The following GABRA3 variants were observed in gnomAD, a reference collection of about 807,000 sequenced individuals.
GABRA3 encodes gamma-aminobutyric acid type A receptor subunit alpha3.
A neutral mutation model predicts 30.1 loss-of-function variants in GABRA3; 10 were observed. The ratio of observed to expected loss-of-function variants is 0.33; its 90% CI spans 0.20 to 0.56. The LOEUF is 0.56. Among genes scored for constraint, GABRA3 ranks in the 20% least tolerant of loss-of-function variants. The probability of loss-of-function intolerance (pLI) is 0.89; values close to 1 mark genes in which losing one functional copy is unlikely to be tolerated. For missense variants in GABRA3, 233 were observed against 392.0 expected (o/e 0.59, Z 3.42); for synonymous variants, 151 against 146.8 (o/e 1.03, Z -0.21).
At chrX:152,285,113 C>A (rs1939268863) in intron 3 of GABRA3, among the ~76,000 whole-genome samples, 1 of 111,848 alleles carries the variant, frequency 8.9e-6, no homozygotes, top group African/African-American at 3.2e-5. Flanking sequence ...TTCCACTCCC[C>A]TGCCTTTTTA....
intron 3 of GABRA3, among the ~76,000 whole-genome samples, chrX:152,310,923 T>C (rs1235208866): frequency 9.0e-6 from 1 of 111,005 alleles, no homozygotes; most frequent in African/African-American, 3.3e-5. Flanking sequence ...TCAGAGACTA[T>C]TACGAGCACC....
chrX:152,291,371 G>C (rs1426400197), intron 3 of GABRA3, among the ~76,000 whole-genome samples: 1 of 111,939 alleles, frequency 8.9e-6, no homozygotes, highest in African/African-American at 3.2e-5. Context: ...TGCATCCTGA[G>C]ACTTTGCTGA....
At chrX:152,198,823 A>G (rs1390469019) in intron 7 of GABRA3, among the ~76,000 whole-genome samples, 1 of 112,308 alleles carries the variant, frequency 8.9e-6, no homozygotes, top group Non-Finnish European at 1.9e-5. Flanking sequence ...CCCAATGTAT[A>G]ACTTCTACCT....
intron 3 of GABRA3, among the ~76,000 whole-genome samples, chrX:152,338,348 T>A (rs1359764499): frequency 1.8e-5 from 2 of 112,431 alleles, no homozygotes; most frequent in African/African-American, 3.2e-5. Context: ...GAAATGTCTG[T>A]TCAGATCTTT....
chrX:152,219,103 A>T (rs1285806396), intron 6 of GABRA3, among the ~76,000 whole-genome samples: 1 of 111,136 alleles, frequency 9.0e-6, no homozygotes, highest in Admixed American at 9.6e-5. Flanking sequence ...TTATTAAATT[A>T]TTCTCTTCTT....
chrX:152,362,235 T>C (rs1603248128), intron 2 of GABRA3, among the ~76,000 whole-genome samples: 1 of 109,478 alleles, frequency 9.1e-6, no homozygotes, highest in East Asian at 2.9e-4. Context: ...CTTCCAAGAA[T>C]ATAGGACAAT....
intron 1 of GABRA3, among the ~76,000 whole-genome samples, chrX:152,381,075 G>A (rs1443851734): frequency 1.8e-5 from 2 of 111,557 alleles, no homozygotes; most frequent in African/African-American, 6.5e-5. Flanking sequence ...ATCTCCTTTT[G>A]CACATGCCGG....
At position 152,168,321 on chromosome X, in the gene GABRA3, G is replaced by A. The variant is rs151037577; in HGVS notation, c.1386C>T (p.Ile462=). The A allele has an allele frequency of 1.8e-5, 22 of 1,209,951 alleles. No individual in the cohort carries two copies. The African/African-American group carries it at 3.7e-4, about 20-fold the overall frequency. The change falls in exon 10 of 10, where the codon ATC becomes ATT. Residue 462 remains isoleucine (I), a synonymous_variant. Transcript: ENST00000370314. ...VSKVDKISRI[I]FPVLFAIFNL... ...TGAATATGGCAAAGAGCACAGGAAA[G>A]ATGATGCGGGAAATTTTGTCAACCT...
rs144823931 is a variant in GABRA3 at position 152,356,166 on chromosome X, C to G, written c.140+8265G>C. On this transcript the variant is annotated intron_variant, in intron 2 of 9. Transcript: ENST00000370314. ...CAAAGATTCCTTACACCAGAATCAT[C>G]TGGGGCATTTTAGGCACTATTCCCA... Among the ~76,000 whole-genome samples, 16 of 111,964 alleles carry G rather than the reference C, an allele frequency of 1.4e-4. No individual in the cohort carries two copies. The East Asian group carries it at 3.7e-3, about 26-fold the overall frequency.
Position 152,364,487 on chromosome X carries a change from A to C in GABRA3, c.84T>G (p.Gly28=). 1 of 1,209,340 alleles carries C rather than the reference A, an allele frequency of 8.3e-7. No individual in the cohort carries two copies. Among genetic ancestry groups the C allele is most frequent in the Non-Finnish European group, 1.1e-6 (1 of 893,953 alleles). Reference sequence around the variant, plus strand: ...GTTCTTGTCGTCTTGATTCCCCTTGACCAGTGGTTCCAGGGAGAATATTAA... The same window carrying C: ...GTTCTTGTCGTCTTGATTCCCCTTGCCCAGTGGTTCCAGGGAGAATATTAA... ...FLINILPGTT[G]QGESRRQEPG... Residue 28 remains glycine (G), a synonymous_variant, in exon 2 of 10, where the codon GGT becomes GGG. Coordinates refer to ENST00000370314, the MANE Select transcript of GABRA3 (RefSeq NM_000808.4).
At chrX:152,441,044 G>A (rs1383821801) in intron 1 of GABRA3, among the ~76,000 whole-genome samples, 8 of 109,400 alleles carry the variant, frequency 7.3e-5, no homozygotes, top group Non-Finnish European at 1.3e-4. Context: ...AAAGAAAACA[G>A]ATAGATGGTT....
intron 3 of GABRA3, among the ~76,000 whole-genome samples, chrX:152,292,825 G>C (rs1483133882): frequency 2.7e-5 from 3 of 111,715 alleles, no homozygotes; most frequent in Non-Finnish European, 5.6e-5. Flanking sequence ...AGTCATTCAG[G>C]AGCAGGTTGT....
chrX:152,441,906 C>CCTAT (rs1930941186), intron 1 of GABRA3, among the ~76,000 whole-genome samples: 1 of 111,529 alleles, frequency 9.0e-6, no homozygotes, highest in Admixed American at 9.6e-5. Flanking sequence ...TTTTTATGAT[C>CCTAT]ATAGCATCAG....
At chrX:152,227,609 TA>T (rs56151403) in intron 5 of GABRA3, among the ~76,000 whole-genome samples, 129 of 99,693 alleles carry the variant, frequency 1.3e-3, no homozygotes, top group African/African-American at 3.5e-3. Context: ...TTTTTTTTTT[TA>T]AAAAAAAAAG....
intron 1 of GABRA3, among the ~76,000 whole-genome samples, chrX:152,378,247 G>C (rs1929048395): frequency 8.9e-6 from 1 of 111,761 alleles, no homozygotes. Flanking sequence ...CAATGAGAGA[G>C]AAACAACAGA....
At chrX:152,246,035 G>A (rs1938455993) in intron 5 of GABRA3, among the ~76,000 whole-genome samples, 1 of 111,719 alleles carries the variant, frequency 9.0e-6, no homozygotes, top group East Asian at 2.8e-4. Flanking sequence ...TTTCAGCAAT[G>A]TATCCCAAAA....
At chrX:152,325,191 G>GA (rs915192910) in intron 3 of GABRA3, among the ~76,000 whole-genome samples, 1 of 111,674 alleles carries the variant, frequency 9.0e-6, no homozygotes, top group African/African-American at 3.3e-5. Context: ...GTGGAGGGGA[G>GA]AAAAAGGCCC....
intron 5 of GABRA3, among the ~76,000 whole-genome samples, chrX:152,226,916 T>G (rs1937968947): frequency 9.0e-6 from 1 of 111,453 alleles, no homozygotes; most frequent in South Asian, 3.8e-4. Context: ...GAAATAGAAC[T>G]CTTTTACACT....
intron 5 of GABRA3, among the ~76,000 whole-genome samples, chrX:152,254,645 A>C (rs907195378): frequency 1.8e-5 from 2 of 111,447 alleles, no homozygotes; most frequent in Admixed American, 1.9e-4. Flanking sequence ...CCATCTCCTC[A>C]TCTTCCAAAT....
Sources: allele counts gnomAD v4.1 joint callset (sites outside exome capture counted in the v4.1 genomes callset), GRCh38; gene constraint gnomAD v4.1.1; transcripts MANE v1.5; gene names NCBI Gene and HGNC (gene_info 2026-07-23, HGNC 2026-07-21).